The following ACTR3C variants were observed in gnomAD, a reference collection of about 807,000 sequenced individuals.
ACTR3C encodes actin-related protein 3C.
In ACTR3C, 18 loss-of-function variants were observed where a neutral mutation model predicts 26.3. That is an observed-to-expected ratio of 0.68 (90% CI 0.47 to 1.01). The LOEUF (loss-of-function observed/expected upper bound fraction) is 1.01, where lower values mean the gene tolerates loss of function less well. ACTR3C is among the 50% of genes least tolerant of loss of function. The probability of loss-of-function intolerance (pLI) is 0.00; values close to 1 mark genes in which losing one functional copy is unlikely to be tolerated. For synonymous variants in ACTR3C, 55 were observed against 94.5 expected, an observed-to-expected ratio of 0.58 and a Z score of 2.42; for missense variants, 184 against 250.7, an observed-to-expected ratio of 0.73 and a Z score of 1.80.
chr7:150,037,935 C>CT, the ACTR3C span, among the ~76,000 whole-genome samples: 23 of 138,260 alleles, frequency 1.7e-4, 2 homozygotes, highest in Non-Finnish European at 1.6e-4. Flanking sequence ...GTGCCTCCCC[C>CT]CCTGCGATGG....
At chr7:150,032,716 T>C in the ACTR3C span, among the ~76,000 whole-genome samples, 1 of 152,086 alleles carries the variant, frequency 6.6e-6, no homozygotes, top group African/African-American at 2.4e-5. Flanking sequence ...AAGAGTGAAG[T>C]CCCACAGCCT....
At chr7:149,920,828 A>G in the ACTR3C span, among the ~76,000 whole-genome samples, 3,327 of 150,876 alleles carry the variant, frequency 0.022, 126 homozygotes, top group African/African-American at 0.077. Flanking sequence ...GTGCAATGTC[A>G]TGATCTTGGC....
chr7:150,259,849 T>C (rs1408196267), intron 6 of ACTR3C, among the ~76,000 whole-genome samples: 6 of 152,232 alleles, frequency 3.9e-5, no homozygotes, highest in Admixed American at 2.0e-4. Flanking sequence ...ATGACCCTCC[T>C]GCCTTGTCCC....
chr7:149,978,680 G>A, the ACTR3C span, among the ~76,000 whole-genome samples: 1 of 151,534 alleles, frequency 6.6e-6, no homozygotes, highest in Non-Finnish European at 1.5e-5. Flanking sequence ...CCTCTAGGAG[G>A]AGCTGTAGAT....
the ACTR3C span, among the ~76,000 whole-genome samples, chr7:150,229,285 T>C: frequency 1.3e-5 from 2 of 152,092 alleles, no homozygotes; most frequent in African/African-American, 4.8e-5. Flanking sequence ...AAGCATCCAG[T>C]GTCTGGCCAT....
chr7:150,014,921 T>C, the ACTR3C span, among the ~76,000 whole-genome samples: 4 of 152,192 alleles, frequency 2.6e-5, no homozygotes, highest in African/African-American at 9.7e-5. Flanking sequence ...TCTCCATAAG[T>C]TCAGTGTTTG....
intron 6 of ACTR3C, among the ~76,000 whole-genome samples, chr7:150,250,787 G>C (rs1011997565): frequency 6.6e-6 from 1 of 151,962 alleles, no homozygotes; most frequent in African/African-American, 2.4e-5. Context: ...AAGTGGGGTG[G>C]AAGATCAGAA....
At chr7:149,999,774 T>A in the ACTR3C span, among the ~76,000 whole-genome samples, 1 of 149,406 alleles carries the variant, frequency 6.7e-6, no homozygotes, top group East Asian at 2.1e-4. Context: ...CATCCCATCA[T>A]CTCTACCTAC....
chr7:150,081,320 AAAG>A, the ACTR3C span, among the ~76,000 whole-genome samples: 1 of 151,430 alleles, frequency 6.6e-6, no homozygotes, highest in Non-Finnish European at 1.5e-5. Context: ...AGAAAAGAGA[AAAG>A]AAAAGAAAAA....
chr7:150,180,237 G>A, the ACTR3C span, among the ~76,000 whole-genome samples: 4 of 149,778 alleles, frequency 2.7e-5, no homozygotes, highest in African/African-American at 5.1e-5. Flanking sequence ...CCCGGGAGGC[G>A]GAGCTTGCAG....
At chr7:150,319,796 T>C (rs187886064) in intron 1 of ACTR3C, among the ~76,000 whole-genome samples, 32 of 152,334 alleles carry the variant, frequency 2.1e-4, no homozygotes, top group African/African-American at 6.3e-4. Flanking sequence ...CTTCCCACTT[T>C]CTGTCACCCC....
the ACTR3C span, among the ~76,000 whole-genome samples, chr7:149,895,867 T>C: frequency 1.3e-5 from 2 of 151,756 alleles, no homozygotes; most frequent in African/African-American, 4.8e-5. Context: ...TAAAAAAATT[T>C]TTAAAATCCT....
intron 1 of ACTR3C, among the ~76,000 whole-genome samples, chr7:150,306,433 A>G (rs1016863947): frequency 1.3e-5 from 2 of 152,180 alleles, no homozygotes; most frequent in African/African-American, 4.8e-5. Context: ...CAGGTAGTTT[A>G]TGTGATATGC....
the ACTR3C span, among the ~76,000 whole-genome samples, chr7:150,011,458 G>A: frequency 9.9e-5 from 15 of 152,126 alleles, no homozygotes; most frequent in Admixed American, 6.5e-5. Flanking sequence ...GATGGTGAGC[G>A]CCTGTTATCC....
chr7:149,964,739 T>C, the ACTR3C span, among the ~76,000 whole-genome samples: 4 of 152,198 alleles, frequency 2.6e-5, no homozygotes, highest in African/African-American at 9.7e-5. Flanking sequence ...AAGCCAGCAG[T>C]AAAACCAGCA....
the ACTR3C span, among the ~76,000 whole-genome samples, chr7:150,038,841 G>A: frequency 1.9e-3 from 257 of 138,646 alleles, 1 homozygote; most frequent in African/African-American, 3.3e-3. Context: ...CTAAGAGCCA[G>A]TGGGGGAACC....
chr7:149,997,453 G>A, the ACTR3C span, among the ~76,000 whole-genome samples: 1 of 151,806 alleles, frequency 6.6e-6, no homozygotes, highest in African/African-American at 2.4e-5. Flanking sequence ...AGGAAGGCAA[G>A]GTTTTTTGTT....
At chr7:150,244,662 T>C (rs1366709292), downstream of ACTR3C, 4 of 152,886 alleles carry the variant, frequency 2.6e-5, no homozygotes, top group African/African-American at 9.6e-5. Flanking sequence ...AAGGAGCAGT[T>C]GCCCAAACCT....
the ACTR3C span, among the ~76,000 whole-genome samples, chr7:150,086,472 C>T: frequency 1.3e-5 from 2 of 152,092 alleles, no homozygotes; most frequent in Non-Finnish European, 2.9e-5. Context: ...CAGTTCTCAT[C>T]ACTTCGGTAG....
Sources: gnomAD v4.1 joint callset for allele counts (sites outside exome capture counted in the v4.1 genomes callset) on GRCh38, gnomAD v4.1.1 for gene constraint, MANE v1.5 for transcripts, NCBI Gene and HGNC (gene_info 2026-07-23, HGNC 2026-07-21) for gene names.